RIT2: variants seen among roughly 807,000 people sequenced by gnomAD.
RIT2 encodes the protein Ras like without CAAX 2, also known as GTP-binding protein Rit2.
In RIT2, 24 loss-of-function variants were observed where a neutral mutation model predicts 23.7. The observed-to-expected ratio is 1.01, with a 90% CI of 0.73 to 1.43. The LOEUF (loss-of-function observed/expected upper bound fraction) is 1.43. RIT2 is among the 40% of genes most tolerant of loss of function. The pLI, the probability that RIT2 is intolerant of heterozygous loss-of-function variation, is 0.00. For missense variants in RIT2, 236 were observed against 266.9 expected (o/e 0.88, Z 0.81); for synonymous variants, 107 against 91.1 (o/e 1.17, Z -0.99).
chr18:42,910,419 G>A (rs148188585), intron 4 of RIT2, among the ~76,000 whole-genome samples: 10 of 152,158 alleles, frequency 6.6e-5, no homozygotes, highest in Non-Finnish European at 1.0e-4. Flanking sequence ...GTGGTTTCCT[G>A]GCAAAGGCTC....
chr18:42,965,181 G>C (rs1452963439), intron 3 of RIT2, among the ~76,000 whole-genome samples: 1 of 152,140 alleles, frequency 6.6e-6, no homozygotes, highest in Admixed American at 6.5e-5. Context: ...ACTGTTAAAT[G>C]AATGAACAAA....
At chr18:42,753,116 G>A (rs2143886603) in intron 4 of RIT2, among the ~76,000 whole-genome samples, 1 of 152,130 alleles carries the variant, frequency 6.6e-6, no homozygotes, top group South Asian at 2.1e-4. Context: ...GACCACTGGG[G>A]CAAAAAGGCA....
chr18:42,821,291 GAGA>G (rs1380420166), intron 4 of RIT2, among the ~76,000 whole-genome samples: 1 of 152,136 alleles, frequency 6.6e-6, no homozygotes, highest in Non-Finnish European at 1.5e-5. Context: ...GTAGCACGAT[GAGA>G]AGATTTAAAG....
chr18:42,763,151 A>T (rs1432741434), intron 4 of RIT2, among the ~76,000 whole-genome samples: 1 of 152,214 alleles, frequency 6.6e-6, no homozygotes, highest in Non-Finnish European at 1.5e-5. Flanking sequence ...ACAGTAAAAA[A>T]TCAATATAAA....
At chr18:43,064,571 C>T (rs547868551) in intron 1 of RIT2, among the ~76,000 whole-genome samples, 44 of 152,174 alleles carry the variant, frequency 2.9e-4, no homozygotes, top group Middle Eastern at 6.8e-3. Flanking sequence ...TTTGAAAGAA[C>T]GCTAGAGCAA....
intron 4 of RIT2, among the ~76,000 whole-genome samples, chr18:42,885,653 A>G (rs551827118): frequency 6.7e-4 from 102 of 152,292 alleles, no homozygotes; most frequent in South Asian, 3.1e-3. Context: ...ATTTTCATGG[A>G]TCTTTACTAT....
intron 1 of RIT2, among the ~76,000 whole-genome samples, chr18:43,066,256 G>T (rs937478114): frequency 3.3e-5 from 5 of 152,114 alleles, no homozygotes; most frequent in Admixed American, 3.3e-4. Flanking sequence ...TGCCCATCCA[G>T]AATGATCTAG....
intron 2 of RIT2, among the ~76,000 whole-genome samples, chr18:42,997,418 G>GA (rs201843866): frequency 0.012 from 1,757 of 149,156 alleles, 13 homozygotes; most frequent in Non-Finnish European, 0.014. Context: ...AGAAAGAAAA[G>GA]AAAAAAAACA....
chr18:42,893,113 A>C (rs1467714871), intron 4 of RIT2, among the ~76,000 whole-genome samples: 3 of 151,954 alleles, frequency 2.0e-5, no homozygotes, highest in African/African-American at 7.3e-5. Flanking sequence ...CTGTAATACC[A>C]GCTACTCAGG....
chr18:43,012,756 ATTATC>A lies in RIT2; in HGVS notation c.160+21050_160+21054del, dbSNP rs1319346957. Among the ~76,000 whole-genome samples, 9 of 151,552 alleles carry A rather than the reference ATTATC, an allele frequency of 5.9e-5. No homozygotes were observed. In the East Asian group the frequency reaches 1.8e-3, roughly 30 times the overall value. Reference sequence around the variant, plus strand: ...AAAGTTTATAAAGTCTTGCACATATATTATCTAAATCAGTTCTTATAACTCCACAT... The same window carrying A: ...AAAGTTTATAAAGTCTTGCACATATATAAATCAGTTCTTATAACTCCACAT... On this transcript the variant is annotated intron_variant, in intron 2 of 4. Coordinates refer to ENST00000326695, the MANE Select transcript of RIT2 (RefSeq NM_002930.4).
rs141964106 is a variant in RIT2 at position 42,792,582 on chromosome 18, C to A, written c.427-48862G>T. Reference sequence around the variant, plus strand: ...TTTCATATTCATTCTCTAATTTAATCCACAGACAATTCAATGAATTAGGGC... The same window carrying A: ...TTTCATATTCATTCTCTAATTTAATACACAGACAATTCAATGAATTAGGGC... On this transcript the variant is annotated intron_variant, in intron 4 of 4. Transcript: ENST00000326695. 3.7e-4 allele frequency among the ~76,000 whole-genome samples: 57 copies of A among 152,140 alleles called. 1 individual carries two copies. In the East Asian group the frequency reaches 0.011, roughly 29 times the overall value.
intron 1 of RIT2, among the ~76,000 whole-genome samples, chr18:43,081,030 A>G (rs139139582): frequency 2.4e-4 from 36 of 152,328 alleles, no homozygotes; most frequent in African/African-American, 8.7e-4. Flanking sequence ...TTTCCTTTTA[A>G]ACAATGATCC....
intron 4 of RIT2, among the ~76,000 whole-genome samples, chr18:42,890,191 C>T (rs1374000544): frequency 1.3e-5 from 2 of 151,566 alleles, no homozygotes; most frequent in Non-Finnish European, 2.9e-5. Context: ...ACTATATTGC[C>T]TTCCAATTCT....
At chr18:42,769,345 GT>G (rs919426361) in intron 4 of RIT2, among the ~76,000 whole-genome samples, 3 of 151,806 alleles carry the variant, frequency 2.0e-5, no homozygotes, top group South Asian at 4.2e-4. Flanking sequence ...TAGTTATCAA[GT>G]TTTTTTTCAG....
At chr18:42,870,792 A>T (rs1907602677) in intron 4 of RIT2, among the ~76,000 whole-genome samples, 1 of 152,216 alleles carries the variant, frequency 6.6e-6, no homozygotes, top group Admixed American at 6.5e-5. Context: ...TTTCTTTGAT[A>T]AGAACATTCA....
At chr18:42,771,838 A>G (rs1396858505) in intron 4 of RIT2, among the ~76,000 whole-genome samples, 3 of 152,162 alleles carry the variant, frequency 2.0e-5, no homozygotes, top group African/African-American at 7.2e-5. Flanking sequence ...AAAGAGTTAC[A>G]GTGACCTTTC....
intron 3 of RIT2, among the ~76,000 whole-genome samples, chr18:42,947,396 C>A (rs1168535841): frequency 6.6e-6 from 1 of 152,074 alleles, no homozygotes; most frequent in African/African-American, 2.4e-5. Context: ...ATTTACAATT[C>A]AATGAGTGAA....
At chr18:43,043,220 A>T (rs972721924) in intron 1 of RIT2, among the ~76,000 whole-genome samples, 9 of 152,152 alleles carry the variant, frequency 5.9e-5, no homozygotes, top group Admixed American at 1.3e-4. Context: ...CAATTTAACA[A>T]AATTGTTTTG....
At chr18:43,108,782 A>C (rs553852633) in intron 1 of RIT2, among the ~76,000 whole-genome samples, 60 of 152,324 alleles carry the variant, frequency 3.9e-4, no homozygotes, top group Non-Finnish European at 7.6e-4. Flanking sequence ...GCTTCCTGAC[A>C]GTATTGCAGT....
Sources: allele counts gnomAD v4.1 joint callset (sites outside exome capture counted in the v4.1 genomes callset), GRCh38; gene constraint gnomAD v4.1.1; transcripts MANE v1.5; gene names NCBI Gene and HGNC (gene_info 2026-07-23, HGNC 2026-07-21).